Variants in DENND1B observed in about 807,000 individuals in gnomAD.
DENND1B encodes DENN domain containing 1B.
Under a neutral mutation model 90.1 loss-of-function variants are expected in DENND1B, and 59 were observed. The ratio of observed to expected loss-of-function variants is 0.65; its 90% CI spans 0.53 to 0.81. DENND1B has a LOEUF of 0.81. DENND1B is among the 40% of genes least tolerant of loss of function. The probability of loss-of-function intolerance (pLI) is 0.00; values close to 1 mark genes in which losing one functional copy is unlikely to be tolerated. For missense variants in DENND1B, 862 were observed against 912.6 expected, an observed-to-expected ratio of 0.94 and a Z score of 0.71; for synonymous variants, 337 against 324.6, an observed-to-expected ratio of 1.04 and a Z score of -0.41.
At position 197,715,052 on chromosome 1, in the gene DENND1B, G is replaced by A. The variant is rs1349664444; in HGVS notation, c.105C>T (p.Phe35=). 1 of 1,611,022 alleles carries A rather than the reference G, an allele frequency of 6.2e-7. No individual in the cohort carries two copies. The highest frequency in any genetic ancestry group is 2.2e-5 in the East Asian group (1 of 44,698). The part of the protein sequence containing the change: ...ENEDPVVLWK[F]PEDFGDQEIL... ...CAACCTGGTCTCCAAAGTCCTCTGGGAATTTCCACAATACCACAGGATCTG... is the reference window on the plus strand; with the variant it reads ...CAACCTGGTCTCCAAAGTCCTCTGGAAATTTCCACAATACCACAGGATCTG... Residue 35 remains phenylalanine, a synonymous_variant, in exon 3 of 23, where the codon TTC becomes TTT. Coordinates refer to ENST00000620048, the MANE Select transcript of DENND1B (RefSeq NM_001195215.2).
At chr1:197,620,683 AT>A (rs943305035) in intron 10 of DENND1B, among the ~76,000 whole-genome samples, 32 of 151,334 alleles carry the variant, frequency 2.1e-4, no homozygotes, top group African/African-American at 7.5e-4. Flanking sequence ...GCAACTGAAA[AT>A]ATTATAATAA....
intron 15 of DENND1B, among the ~76,000 whole-genome samples, chr1:197,576,539 G>T (rs1016594983): frequency 6.6e-6 from 1 of 152,110 alleles, no homozygotes. Context: ...TAAGAAGAGG[G>T]TAATACAACC....
chr1:197,660,524 C>T (rs1177105304), intron 5 of DENND1B, among the ~76,000 whole-genome samples: 1 of 151,822 alleles, frequency 6.6e-6, no homozygotes. Flanking sequence ...AGACATGAGT[C>T]TCCAGACTGA....
chr1:197,656,762 C>G (rs1232326143), intron 6 of DENND1B, among the ~76,000 whole-genome samples: 2 of 151,538 alleles, frequency 1.3e-5, no homozygotes, highest in Admixed American at 6.6e-5. Context: ...ATGATTGTAC[C>G]ACAGTGCTCC....
At chr1:197,518,836 G>A (rs1054770426) in intron 20 of DENND1B, among the ~76,000 whole-genome samples, 1 of 151,832 alleles carries the variant, frequency 6.6e-6, no homozygotes, top group Admixed American at 6.6e-5. Context: ...GAACACAAGT[G>A]GGGAGACTGT....
chr1:197,648,512 T>G (rs532511166), intron 7 of DENND1B, among the ~76,000 whole-genome samples: 5 of 152,308 alleles, frequency 3.3e-5, no homozygotes, highest in South Asian at 4.1e-4. Context: ...GAGAACACAT[T>G]TGTATTTCTC....
intron 1 of DENND1B, 181 bp from the exon 2 acceptor site, chr1:197,773,113 T>C (rs1269198836): frequency 1.6e-6 from 1 of 611,584 alleles, no homozygotes; most frequent in Non-Finnish European, 2.9e-6. Flanking sequence ...TTAAAAGAGC[T>C]GAGACTTAGG....
chr1:197,770,227 T>C (rs977726277), intron 2 of DENND1B, among the ~76,000 whole-genome samples: 15 of 152,298 alleles, frequency 9.8e-5, no homozygotes, highest in African/African-American at 3.4e-4. Context: ...AAGCCAACAT[T>C]ATTTACTTTA....
intron 20 of DENND1B, among the ~76,000 whole-genome samples, chr1:197,520,809 T>A: frequency 6.6e-6 from 1 of 151,948 alleles, no homozygotes; most frequent in East Asian, 1.9e-4. Context: ...ATTAGACTGC[T>A]CCTAGGGCCT....
intron 2 of DENND1B, among the ~76,000 whole-genome samples, chr1:197,748,135 T>C (rs984459498): frequency 4.6e-5 from 7 of 152,112 alleles, no homozygotes; most frequent in Non-Finnish European, 1.0e-4. Context: ...AAAATTTGAT[T>C]GCCCAACAAA....
At chr1:197,573,034 T>G (rs1673321193) in intron 15 of DENND1B, among the ~76,000 whole-genome samples, 1 of 152,188 alleles carries the variant, frequency 6.6e-6, no homozygotes, top group South Asian at 2.1e-4. Context: ...CTCTCTTTTT[T>G]TCTTTATTAG....
intron 7 of DENND1B, among the ~76,000 whole-genome samples, chr1:197,651,361 C>T (rs1488275399): frequency 6.6e-6 from 1 of 151,992 alleles, no homozygotes; most frequent in Non-Finnish European, 1.5e-5. Context: ...TGGTACACTT[C>T]GTTAAAAGTT....
At chr1:197,770,563 C>A (rs1030665820) in intron 2 of DENND1B, among the ~76,000 whole-genome samples, 1 of 149,446 alleles carries the variant, frequency 6.7e-6, no homozygotes, top group African/African-American at 2.5e-5. Flanking sequence ...ATTAGAGAAT[C>A]CATATTTTCC....
At chr1:197,530,401 A>T (rs2125634728) in intron 20 of DENND1B, among the ~76,000 whole-genome samples, 1 of 152,362 alleles carries the variant, frequency 6.6e-6, no homozygotes, top group East Asian at 1.9e-4. Flanking sequence ...CACTTCTGAA[A>T]TGAATAATCA....
chr1:197,647,350 A>G (rs1419314805), intron 7 of DENND1B, among the ~76,000 whole-genome samples: 5 of 152,114 alleles, frequency 3.3e-5, no homozygotes, highest in African/African-American at 1.2e-4. Context: ...ATATTTGACG[A>G]TTTTGAAATG....
intron 5 of DENND1B, among the ~76,000 whole-genome samples, chr1:197,664,957 T>C (rs1296818060): frequency 6.6e-6 from 1 of 152,138 alleles, no homozygotes; most frequent in Non-Finnish European, 1.5e-5. Flanking sequence ...AAAATTATGT[T>C]AATCAAATTA....
chr1:197,725,194 G>A (rs1238149022), intron 2 of DENND1B, among the ~76,000 whole-genome samples: 2 of 151,990 alleles, frequency 1.3e-5, no homozygotes, highest in East Asian at 3.9e-4. Flanking sequence ...AAAAAGATAT[G>A]GATACCTTTC....
intron 20 of DENND1B, among the ~76,000 whole-genome samples, chr1:197,529,775 A>G (rs1367167023): frequency 6.6e-6 from 1 of 152,196 alleles, no homozygotes. Flanking sequence ...ATGTTATCTT[A>G]TATTTTTCAC....
chr1:197,692,030 G>A (rs1657944846), intron 3 of DENND1B, among the ~76,000 whole-genome samples: 1 of 151,730 alleles, frequency 6.6e-6, no homozygotes, highest in East Asian at 1.9e-4. Context: ...ATAAGTTCTA[G>A]AGGTCTGATA....
Sources: gnomAD v4.1 joint callset for allele counts (sites outside exome capture counted in the v4.1 genomes callset) on GRCh38, gnomAD v4.1.1 for gene constraint, MANE v1.5 for transcripts, NCBI Gene and HGNC (gene_info 2026-07-23, HGNC 2026-07-21) for gene names.